The following ZDHHC17 variants were observed in gnomAD, a reference collection of about 807,000 sequenced individuals.
The protein encoded by ZDHHC17 is palmitoyltransferase ZDHHC17.
ZDHHC17 carries 40 observed loss-of-function variants against 90.3 expected under a neutral mutation model. The observed-to-expected ratio is 0.44, with a 90% CI of 0.34 to 0.58. The LOEUF (loss-of-function observed/expected upper bound fraction) is 0.58, where lower values mean the gene tolerates loss of function less well. Among genes scored for constraint, ZDHHC17 ranks in the 20% least tolerant of loss-of-function variants. ZDHHC17 has a pLI of 0.01. For synonymous variants in ZDHHC17, 235 were observed against 252.4 expected (o/e 0.93, Z 0.65); for missense variants, 614 against 780.8 (o/e 0.79, Z 2.55).
At chr12:76,764,667 G>C (rs1422735603) in intron 1 of ZDHHC17, 42 of 518,864 alleles carry the variant, frequency 8.1e-5, no homozygotes. Context: ...TTAGACCCTA[G>C]TCTTGCTCCA....
rs937450496 is a variant in ZDHHC17, at chr12:76,772,848, A to T, written c.93+8519A>T. 7.3e-5 allele frequency among the ~76,000 whole-genome samples: 11 copies of T among 151,416 alleles called. No homozygotes were observed. In the South Asian group the frequency reaches 8.4e-4, roughly 11 times the overall value. ...GCGTGAGCCACCGCGCCCGGCCTTAACGCTTGTTTTTGTTTCTTTGGGAGA... is the reference window on the plus strand; with the variant it reads ...GCGTGAGCCACCGCGCCCGGCCTTATCGCTTGTTTTTGTTTCTTTGGGAGA... On this transcript the variant is annotated intron_variant, in intron 1 of 16. Coordinates refer to ENST00000426126, the MANE Select transcript of ZDHHC17 (RefSeq NM_015336.4).
chr12:76,826,097 G>T (rs926510943), intron 8 of ZDHHC17, among the ~76,000 whole-genome samples: 1 of 152,130 alleles, frequency 6.6e-6, no homozygotes, highest in Non-Finnish European at 1.5e-5. Context: ...GGGATTAAAG[G>T]CATGAGCCAC....
chr12:76,794,288 T>C (rs184454540), intron 1 of ZDHHC17, among the ~76,000 whole-genome samples: 5 of 152,332 alleles, frequency 3.3e-5, no homozygotes, highest in Admixed American at 2.6e-4. Context: ...TTATCTATGT[T>C]AGATATGCTT....
chr12:76,840,905 A>G (rs1369657238), intron 10 of ZDHHC17: 1 of 152,176 alleles, frequency 6.6e-6, no homozygotes, highest in Non-Finnish European at 1.5e-5. Flanking sequence ...CTTGTGATAA[A>G]TAAAAGTGCT....
chr12:76,825,015 A>C (rs1447244206), intron 8 of ZDHHC17, among the ~76,000 whole-genome samples: 1 of 152,154 alleles, frequency 6.6e-6, no homozygotes, highest in African/African-American at 2.4e-5. Context: ...TCTTCTTAAT[A>C]AGTTGGAGGG....
chr12:76,848,125 A>T, intron 14 of ZDHHC17, 108 bp from the exon 15 acceptor site: 2 of 1,127,630 alleles, frequency 1.8e-6, no homozygotes, highest in Non-Finnish European at 2.5e-6. Flanking sequence ...GTCATCAGTT[A>T]AATCTAGACT....
chr12:76,797,666 G>T (rs1183710450), intron 2 of ZDHHC17, 129 bp downstream of exon 2: 1 of 618,250 alleles, frequency 1.6e-6, no homozygotes. Flanking sequence ...TTATGGGCCG[G>T]TTGCGGTGGC....
intron 1 of ZDHHC17, among the ~76,000 whole-genome samples, chr12:76,782,590 C>T (rs1179265696): frequency 6.6e-6 from 1 of 152,118 alleles, no homozygotes; most frequent in Non-Finnish European, 1.5e-5. Flanking sequence ...TCAGCAGACA[C>T]AACCTCAGAT....
At chr12:76,807,339 T>C (rs1364015686) in intron 3 of ZDHHC17, among the ~76,000 whole-genome samples, 1 of 152,222 alleles carries the variant, frequency 6.6e-6, no homozygotes, top group Non-Finnish European at 1.5e-5. Context: ...ATATTGACTT[T>C]CAACCATTGT....
rs1952394814 is a variant in ZDHHC17, at chr12:76,764,134, A to AAGG, written c.-93_-91dup. 3 of 870,982 alleles carry AAGG rather than the reference A, an allele frequency of 3.4e-6. No homozygotes were observed. Among genetic ancestry groups the AAGG allele is most frequent in the South Asian group, 1.7e-5 (1 of 57,814 alleles). The allele number at this position is 870,982 out of a possible 1,614,324, so 54.0% of individuals were successfully genotyped here. ...GGGGGCGTCACGGGGGCAGGAGAAG[A>AAGG]AGGAGGAGGAGGCCCGCGTCGCCTC... On this transcript the variant is annotated 5_prime_UTR_variant, in exon 1 of 17. Transcript: ENST00000426126.
chr12:76,815,297 T>A (rs1440137249), intron 6 of ZDHHC17, 87 bp downstream of exon 6: 1 of 777,822 alleles, frequency 1.3e-6, no homozygotes, highest in Non-Finnish European at 2.0e-6. Flanking sequence ...GTTAATACTA[T>A]ACTCACTAAT....
chr12:76,818,579 T>C (rs1953118471), intron 7 of ZDHHC17, among the ~76,000 whole-genome samples: 1 of 152,192 alleles, frequency 6.6e-6, no homozygotes, highest in African/African-American at 2.4e-5. Context: ...ACATTTGCTT[T>C]CAGAATTACG....
intron 6 of ZDHHC17, among the ~76,000 whole-genome samples, 184 bp downstream of exon 6, chr12:76,815,394 T>C (rs191807681): frequency 1.3e-5 from 2 of 151,946 alleles, no homozygotes; most frequent in Admixed American, 6.6e-5. Context: ...CCTCACTGAT[T>C]AGAGCTTCCT....
intron 3 of ZDHHC17, among the ~76,000 whole-genome samples, chr12:76,808,740 A>G (rs1169290472): frequency 2.0e-5 from 3 of 152,006 alleles, no homozygotes; most frequent in African/African-American, 7.2e-5. Flanking sequence ...TCTATATGCT[A>G]CTATTCAAAT....
chr12:76,838,996 G>A (rs1360679158), intron 10 of ZDHHC17, among the ~76,000 whole-genome samples: 1 of 152,212 alleles, frequency 6.6e-6, no homozygotes, highest in African/African-American at 2.4e-5. Context: ...GCTGAGGGCA[G>A]TCTTTGTAGC....
chr12:76,835,918 A>G (rs540459684), intron 10 of ZDHHC17, among the ~76,000 whole-genome samples: 183 of 145,094 alleles, frequency 1.3e-3, no homozygotes, highest in African/African-American at 3.7e-3. Context: ...CTCCCTCTAC[A>G]CCCCCTTTTT....
chr12:76,794,720 C>A (rs1366581825), intron 1 of ZDHHC17, among the ~76,000 whole-genome samples: 1 of 151,968 alleles, frequency 6.6e-6, no homozygotes, highest in African/African-American at 2.4e-5. Context: ...TTTTTAAGCT[C>A]GCATTTGGCA....
chr12:76,798,478 A>G (rs915698594), intron 2 of ZDHHC17, among the ~76,000 whole-genome samples: 9 of 152,030 alleles, frequency 5.9e-5, no homozygotes, highest in African/African-American at 2.2e-4. Context: ...TGGGAGGCCA[A>G]TGTGGGAACA....
intron 1 of ZDHHC17, among the ~76,000 whole-genome samples, chr12:76,795,929 ATT>A (rs1382071055): frequency 6.6e-6 from 1 of 152,148 alleles, no homozygotes; most frequent in Non-Finnish European, 1.5e-5. Context: ...GTTAAAGTGT[ATT>A]TTAACATTGG....
Sources: gnomAD v4.1 joint callset for allele counts (sites outside exome capture counted in the v4.1 genomes callset) on GRCh38, gnomAD v4.1.1 for gene constraint, MANE v1.5 for transcripts, NCBI Gene and HGNC (gene_info 2026-07-23, HGNC 2026-07-21) for gene names.